The following PLCB1 variants were observed in gnomAD, a reference collection of about 807,000 sequenced individuals.
PLCB1 encodes the protein 1-phosphatidylinositol 4,5-bisphosphate phosphodiesterase beta-1.
Under a neutral mutation model 161.8 loss-of-function variants are expected in PLCB1, and 46 were observed. The ratio of observed to expected loss-of-function variants is 0.28; its 90% CI spans 0.22 to 0.36. The LOEUF is 0.36. PLCB1 is among the 10% of genes least tolerant of loss of function. The probability of loss-of-function intolerance (pLI) is 1.00; values close to 1 mark genes in which losing one functional copy is unlikely to be tolerated. For missense variants in PLCB1, 1,016 were observed against 1,472.5 expected (o/e 0.69, Z 5.07); for synonymous variants, 517 against 503.7 (o/e 1.03, Z -0.35).
chr20:8,874,073 A>C (rs1987695252), intron 31 of PLCB1, among the ~76,000 whole-genome samples: 1 of 152,006 alleles, frequency 6.6e-6, no homozygotes, highest in South Asian at 2.1e-4. Context: ...AAATGTTCTC[A>C]CCACAAAAAA....
At chr20:8,715,805 A>G (rs554339477) in intron 12 of PLCB1, 11 of 153,568 alleles carry the variant, frequency 7.2e-5, no homozygotes, top group African/African-American at 2.7e-4. Flanking sequence ...CCTCCCTGCC[A>G]TCCTTCCTTA....
chr20:8,600,455 G>A (rs9753671), intron 3 of PLCB1, among the ~76,000 whole-genome samples: 242 of 148,648 alleles, frequency 1.6e-3, no homozygotes, highest in South Asian at 3.4e-3. Context: ...CAGTCTGCCC[G>A]TTCTCAGATC....
intron 11 of PLCB1, among the ~76,000 whole-genome samples, chr20:8,702,662 T>C (rs928577805): frequency 6.6e-6 from 1 of 152,216 alleles, no homozygotes; most frequent in Non-Finnish European, 1.5e-5. Flanking sequence ...ATATGGCTTA[T>C]AGATTATTGA....
intron 4 of PLCB1, among the ~76,000 whole-genome samples, chr20:8,637,999 C>T (rs1988817021): frequency 6.6e-6 from 1 of 152,202 alleles, no homozygotes; most frequent in Non-Finnish European, 1.5e-5. Context: ...GCTCACCCGC[C>T]ATTCTCCTGC....
intron 7 of PLCB1, chr20:8,652,605 T>C (rs1411326868): frequency 6.6e-6 from 1 of 152,110 alleles, no homozygotes; most frequent in Non-Finnish European, 1.5e-5. Context: ...TAAATCATAG[T>C]TGGTTCTGCG....
At chr20:8,169,372 C>T (rs2051708887) in intron 2 of PLCB1, among the ~76,000 whole-genome samples, 1 of 152,158 alleles carries the variant, frequency 6.6e-6, no homozygotes, top group South Asian at 2.1e-4. Context: ...CTTCCATTTT[C>T]TCTTCTACAA....
intron 4 of PLCB1, among the ~76,000 whole-genome samples, chr20:8,644,563 C>T (rs1199174578): frequency 4.0e-5 from 6 of 151,406 alleles, no homozygotes; most frequent in East Asian, 3.9e-4. Context: ...GCCCGGCAGC[C>T]GCCCCGTCTG....
chr20:8,619,149 A>G (rs1988110274), intron 3 of PLCB1, among the ~76,000 whole-genome samples: 1 of 152,194 alleles, frequency 6.6e-6, no homozygotes, highest in African/African-American at 2.4e-5. Context: ...TTTAAGAAGA[A>G]AAAGAGGCCG....
At chr20:8,423,124 CTTCT>C (rs1040379704) in intron 3 of PLCB1, among the ~76,000 whole-genome samples, 7 of 152,054 alleles carry the variant, frequency 4.6e-5, no homozygotes, top group Non-Finnish European at 8.8e-5. Flanking sequence ...AGCACTTATC[CTTCT>C]TTAAGATGAT....
At chr20:8,688,977 G>C (rs147854445) in intron 10 of PLCB1, among the ~76,000 whole-genome samples, 4 of 152,132 alleles carry the variant, frequency 2.6e-5, no homozygotes, top group Non-Finnish European at 5.9e-5. Flanking sequence ...CCATCCATGA[G>C]CATGGGATGT....
chr20:8,836,014 A>G (rs535229421), intron 31 of PLCB1, among the ~76,000 whole-genome samples: 1 of 152,068 alleles, frequency 6.6e-6, no homozygotes, highest in South Asian at 2.1e-4. Context: ...AAGTCTGGCT[A>G]GTTGAGGATG....
chr20:8,219,666 C>T (rs1036278333), intron 2 of PLCB1, among the ~76,000 whole-genome samples: 1 of 152,144 alleles, frequency 6.6e-6, no homozygotes, highest in African/African-American at 2.4e-5. Context: ...CCTAAACCAA[C>T]AGCTCGGATT....
intron 31 of PLCB1, among the ~76,000 whole-genome samples, chr20:8,833,103 C>T (rs562752219): frequency 6.6e-6 from 1 of 152,314 alleles, no homozygotes; most frequent in South Asian, 2.1e-4. Flanking sequence ...TATCTTGGGT[C>T]TTCCATGTGG....
intron 27 of PLCB1, among the ~76,000 whole-genome samples, chr20:8,781,839 C>G (rs980017559): frequency 3.3e-5 from 5 of 152,116 alleles, no homozygotes; most frequent in Non-Finnish European, 5.9e-5. Flanking sequence ...GAGACTTATT[C>G]GCTATCACAA....
intron 2 of PLCB1, among the ~76,000 whole-genome samples, chr20:8,366,827 G>A (rs918516130): frequency 4.6e-5 from 7 of 151,894 alleles, no homozygotes; most frequent in East Asian, 1.9e-4. Flanking sequence ...TAATGATTCC[G>A]GTAGGTTATG....
intron 19 of PLCB1, among the ~76,000 whole-genome samples, chr20:8,734,421 G>A (rs1568577836): frequency 6.6e-6 from 1 of 151,708 alleles, no homozygotes; most frequent in Non-Finnish European, 1.5e-5. Flanking sequence ...TTAAACAAAA[G>A]CTTTCAAATT....
intron 2 of PLCB1, among the ~76,000 whole-genome samples, chr20:8,179,920 G>C (rs62199964): frequency 7.4e-6 from 1 of 135,562 alleles, no homozygotes; most frequent in East Asian, 2.1e-4. Flanking sequence ...GTGCAGTGGC[G>C]GGATCTCGGC....
chr20:8,189,345 C>T (rs903394441), intron 2 of PLCB1, among the ~76,000 whole-genome samples: 9 of 140,172 alleles, frequency 6.4e-5, no homozygotes, highest in African/African-American at 2.1e-4. Context: ...ATATATAAAA[C>T]ATAATATCAT....
In PLCB1 at chr20:8,475,538, C is replaced by T. The variant is rs182881633; in HGVS notation, c.246+104088C>T. On this transcript the variant is annotated intron_variant, in intron 3 of 31. Transcript: ENST00000338037. ...GGCACAGAGGAGTTCAGCCTGTGTT[C>T]GGAGTCACACAGCTGGTAACATGAA... Among the ~76,000 whole-genome samples the T allele has an allele frequency of 5.9e-4, 90 of 152,318 alleles. 1 individual carries two copies. The East Asian group carries it at 0.013, about 21-fold the overall frequency.
Sources: allele counts gnomAD v4.1 joint callset (sites outside exome capture counted in the v4.1 genomes callset), GRCh38; gene constraint gnomAD v4.1.1; transcripts MANE v1.5; gene names NCBI Gene and HGNC (gene_info 2026-07-23, HGNC 2026-07-21).